Variants in PDE8B observed in about 807,000 individuals in gnomAD.
The protein encoded by PDE8B is high affinity cAMP-specific and IBMX-insensitive 3',5'-cyclic phosphodiesterase 8B.
Under a neutral mutation model 101.3 loss-of-function variants are expected in PDE8B, and 26 were observed. The observed-to-expected ratio is 0.26, with a 90% CI of 0.19 to 0.36. The LOEUF is 0.36. Ranked by LOEUF, PDE8B falls within the 10% of genes least tolerant of loss-of-function variation. The pLI is 1.00. For missense variants in PDE8B, 810 were observed against 1,163.1 expected (o/e 0.70, Z 4.42); for synonymous variants, 424 against 429.3 (o/e 0.99, Z 0.15).
chr5:77,290,732 T>C, intron 1 of PDE8B: 2 of 1,493,550 alleles, frequency 1.3e-6, no homozygotes, highest in Non-Finnish European at 1.9e-6. Flanking sequence ...AGCAGTGGAA[T>C]CCTGTAGGCC....
At chr5:77,133,362 C>T in the PDE8B span, among the ~76,000 whole-genome samples, 3 of 152,340 alleles carry the variant, frequency 2.0e-5, no homozygotes, top group East Asian at 1.9e-4. Flanking sequence ...TCTGCCAACA[C>T]TCAGCTGATT....
intron 19 of PDE8B, 136 bp downstream of exon 19, chr5:77,420,023 C>A: frequency 1.0e-6 from 1 of 991,252 alleles, no homozygotes; most frequent in South Asian, 1.3e-5. Flanking sequence ...GCTGAAAGGA[C>A]TGGCCACTTG....
chr5:77,127,727 C>T, the PDE8B span, among the ~76,000 whole-genome samples: 1 of 152,002 alleles, frequency 6.6e-6, no homozygotes, highest in African/African-American at 2.4e-5. Flanking sequence ...TTTTCAGGGT[C>T]TCCTGGCAAG....
At chr5:77,306,527 G>A (rs533735205) in intron 1 of PDE8B, among the ~76,000 whole-genome samples, 7 of 152,196 alleles carry the variant, frequency 4.6e-5, no homozygotes, top group Non-Finnish European at 8.8e-5. Context: ...TTGAACCATT[G>A]TCAGAGGGCA....
chr5:77,191,056 G>A, the PDE8B span, among the ~76,000 whole-genome samples: 1 of 152,174 alleles, frequency 6.6e-6, no homozygotes, highest in Non-Finnish European at 1.5e-5. Flanking sequence ...CTGGCACACA[G>A]CCATTTTCTT....
At chr5:77,152,443 T>C in the PDE8B span, among the ~76,000 whole-genome samples, 5 of 152,208 alleles carry the variant, frequency 3.3e-5, no homozygotes, top group Non-Finnish European at 7.3e-5. Flanking sequence ...ATGGACTCTT[T>C]GTAAAGTCCT....
intron 2 of PDE8B, among the ~76,000 whole-genome samples, chr5:77,312,956 C>T (rs190742080): frequency 1.3e-5 from 2 of 152,324 alleles, no homozygotes; most frequent in Admixed American, 1.3e-4. Context: ...GTCCTCCTTG[C>T]AGCCCTTCCA....
intron 13 of PDE8B, among the ~76,000 whole-genome samples, chr5:77,408,201 T>C (rs1793862618): frequency 6.6e-6 from 1 of 152,172 alleles, no homozygotes; most frequent in Non-Finnish European, 1.5e-5. Context: ...GACTTGGTGA[T>C]GAATTATATT....
At chr5:77,219,982 G>T (rs1042250189) in intron 1 of PDE8B, among the ~76,000 whole-genome samples, 1 of 152,110 alleles carries the variant, frequency 6.6e-6, no homozygotes, top group African/African-American at 2.4e-5. Flanking sequence ...ATGCATGCAC[G>T]TGCACACACC....
At chr5:77,319,872 T>C (rs1466868049) in intron 2 of PDE8B, among the ~76,000 whole-genome samples, 1 of 152,234 alleles carries the variant, frequency 6.6e-6, no homozygotes, top group Non-Finnish European at 1.5e-5. Context: ...TATCGTAACT[T>C]ATACAACTAG....
chr5:77,296,610 G>T (rs1219871785), intron 1 of PDE8B, among the ~76,000 whole-genome samples: 1 of 152,122 alleles, frequency 6.6e-6, no homozygotes, highest in Non-Finnish European at 1.5e-5. Flanking sequence ...AGGAAGGAAT[G>T]GACTGGGGAG....
intron 10 of PDE8B, among the ~76,000 whole-genome samples, chr5:77,363,582 G>A (rs1364110021): frequency 6.6e-6 from 1 of 151,884 alleles, no homozygotes; most frequent in Non-Finnish European, 1.5e-5. Context: ...CATGGTGGCG[G>A]GTGCCTGTAA....
At chr5:77,289,984 G>A (rs1038905819) in intron 1 of PDE8B, among the ~76,000 whole-genome samples, 1 of 152,072 alleles carries the variant, frequency 6.6e-6, no homozygotes, top group African/African-American at 2.4e-5. Flanking sequence ...ATCACTGTGG[G>A]GCTCAGTAAG....
intron 7 of PDE8B, among the ~76,000 whole-genome samples, chr5:77,348,152 G>T (rs1437498521): frequency 1.3e-5 from 2 of 152,160 alleles, no homozygotes; most frequent in Non-Finnish European, 2.9e-5. Context: ...GTGTCCCTGT[G>T]CCACCCTGTT....
chr5:77,295,210 C>T (rs1462158933), intron 1 of PDE8B, among the ~76,000 whole-genome samples: 1 of 152,184 alleles, frequency 6.6e-6, no homozygotes, highest in Non-Finnish European at 1.5e-5. Context: ...AATTATTCTA[C>T]ATTCAGCCAA....
chr5:77,354,166 G>A (rs911444342), intron 10 of PDE8B, among the ~76,000 whole-genome samples: 1 of 152,212 alleles, frequency 6.6e-6, no homozygotes, highest in African/African-American at 2.4e-5. Flanking sequence ...GAGGATGGCA[G>A]AGATGTGTGA....
the PDE8B span, chr5:77,165,325 A>G: frequency 7.9e-5 from 12 of 152,238 alleles, no homozygotes; most frequent in African/African-American, 2.4e-4. Flanking sequence ...GTGTCTAACA[A>G]CCATCTTGAA....
the PDE8B span, among the ~76,000 whole-genome samples, chr5:77,099,564 C>T: frequency 1.3e-5 from 2 of 151,966 alleles, no homozygotes; most frequent in African/African-American, 4.8e-5. Context: ...ATTGCTGGGG[C>T]ATGCGACTCT....
chr5:77,291,024 C>G (rs1767204413), intron 1 of PDE8B: 1 of 1,611,890 alleles, frequency 6.2e-7, no homozygotes, highest in East Asian at 2.2e-5. Context: ...GGTGGGAAAA[C>G]AGATGGCCCT....
Sources: gnomAD v4.1 joint callset for allele counts (sites outside exome capture counted in the v4.1 genomes callset) on GRCh38, gnomAD v4.1.1 for gene constraint, MANE v1.5 for transcripts, NCBI Gene and HGNC (gene_info 2026-07-23, HGNC 2026-07-21) for gene names.